The following TMEM108 variants were observed in gnomAD, a reference collection of about 807,000 sequenced individuals.
TMEM108 encodes the protein cancer/testis antigen 124.
Under a neutral mutation model 35.1 loss-of-function variants are expected in TMEM108, and 12 were observed. That is an observed-to-expected ratio of 0.34 (90% CI 0.22 to 0.55). The LOEUF (loss-of-function observed/expected upper bound fraction) is 0.55. TMEM108 is among the 20% of genes least tolerant of loss of function. The pLI is 0.89. For synonymous variants in TMEM108, 287 were observed against 308.6 expected, an observed-to-expected ratio of 0.93 and a Z score of 0.73; for missense variants, 680 against 753.3, an observed-to-expected ratio of 0.90 and a Z score of 1.14.
At chr3:133,122,840 G>T (rs1039917785) in intron 2 of TMEM108, among the ~76,000 whole-genome samples, 2 of 138,514 alleles carry the variant, frequency 1.4e-5, no homozygotes, top group African/African-American at 5.3e-5. Context: ...TCCAGCCTGG[G>T]CAACAGAGCG....
chr3:133,206,927 A>G (rs1576382617), intron 2 of TMEM108, among the ~76,000 whole-genome samples: 1 of 152,200 alleles, frequency 6.6e-6, no homozygotes, highest in East Asian at 1.9e-4. Context: ...CAGGTGCTGT[A>G]TCCCAGGGAG....
intron 2 of TMEM108, among the ~76,000 whole-genome samples, chr3:133,063,513 A>G (rs1943559258): frequency 6.6e-6 from 1 of 152,108 alleles, no homozygotes; most frequent in African/African-American, 2.4e-5. Flanking sequence ...TAATGACTAT[A>G]AGTTCCAGAC....
chr3:133,133,230 CTTTATTG>C (rs1413213098), intron 2 of TMEM108, among the ~76,000 whole-genome samples: 1 of 152,104 alleles, frequency 6.6e-6, no homozygotes, highest in Non-Finnish European at 1.5e-5. Context: ...ATGTGGCAAA[CTTTATTG>C]TTTAAGAAAT....
At chr3:133,092,134 A>G (rs1943954451) in intron 2 of TMEM108, among the ~76,000 whole-genome samples, 1 of 152,334 alleles carries the variant, frequency 6.6e-6, no homozygotes, top group Admixed American at 6.5e-5. Flanking sequence ...TTGAAATGGT[A>G]GAGATGGTAG....
At chr3:133,129,343 C>T (rs1263327059) in intron 2 of TMEM108, among the ~76,000 whole-genome samples, 6 of 114,624 alleles carry the variant, frequency 5.2e-5, no homozygotes, top group South Asian at 2.9e-4. Flanking sequence ...AGACTCCGCA[C>T]CCACACCCCC....
At chr3:133,343,277 A>G (rs1386099668) in intron 3 of TMEM108, among the ~76,000 whole-genome samples, 1 of 151,934 alleles carries the variant, frequency 6.6e-6, no homozygotes, top group Admixed American at 6.6e-5. Flanking sequence ...GGAAGAAATG[A>G]TGATACAATC....
chr3:133,095,274 G>T (rs548298346), intron 2 of TMEM108, among the ~76,000 whole-genome samples: 39 of 152,286 alleles, frequency 2.6e-4, no homozygotes, highest in Admixed American at 9.8e-4. Context: ...TCTACCAAAG[G>T]TGATGGTCTC....
intron 3 of TMEM108, among the ~76,000 whole-genome samples, chr3:133,282,762 G>A (rs1279007747): frequency 6.6e-6 from 1 of 152,140 alleles, no homozygotes; most frequent in African/African-American, 2.4e-5. Context: ...GTACATTGCA[G>A]CATTGTTTGT....
At chr3:133,312,799 A>G (rs2071150527) in intron 3 of TMEM108, among the ~76,000 whole-genome samples, 1 of 152,120 alleles carries the variant, frequency 6.6e-6, no homozygotes, top group African/African-American at 2.4e-5. Flanking sequence ...GAAATCACCC[A>G]TCTTCTGCAT....
chr3:133,210,087 A>G (rs1310612983), intron 2 of TMEM108, among the ~76,000 whole-genome samples: 1 of 152,216 alleles, frequency 6.6e-6, no homozygotes, highest in Non-Finnish European at 1.5e-5. Context: ...TGTTTTGAAT[A>G]TAACTTGCAA....
At chr3:133,105,360 T>C (rs1037991392) in intron 2 of TMEM108, among the ~76,000 whole-genome samples, 4 of 152,142 alleles carry the variant, frequency 2.6e-5, no homozygotes, top group African/African-American at 4.8e-5. Flanking sequence ...GTTGAGTCCT[T>C]CTCATGGTTT....
chr3:133,292,523 A>T lies in TMEM108; in HGVS notation c.40+63172A>T, dbSNP rs377748797. Among the ~76,000 whole-genome samples the T allele has an allele frequency of 1.8e-4, 27 of 152,316 alleles. 1 individual carries two copies. The highest frequency in any genetic ancestry group is 6.0e-4 in the African/African-American group (25 of 41,576). Reference sequence around the variant, plus strand: ...TGTCATCATAAGAGAAATAAACAACATGCGTGGAACTTGGAATTCTGCTGC... The same window carrying T: ...TGTCATCATAAGAGAAATAAACAACTTGCGTGGAACTTGGAATTCTGCTGC... On this transcript the variant is annotated intron_variant, in intron 3 of 5. Transcript: ENST00000321871.
chr3:133,186,648 C>A (rs1945425443), intron 2 of TMEM108, among the ~76,000 whole-genome samples: 1 of 152,040 alleles, frequency 6.6e-6, no homozygotes, highest in Non-Finnish European at 1.5e-5. Context: ...TGTCATTGTC[C>A]CTGGAAAGAA....
intron 2 of TMEM108, among the ~76,000 whole-genome samples, chr3:133,223,357 T>A (rs2107855357): frequency 6.6e-6 from 1 of 152,294 alleles, no homozygotes; most frequent in East Asian, 1.9e-4. Context: ...CAGCAGGTGG[T>A]CAGCCTGGTA....
intron 2 of TMEM108, among the ~76,000 whole-genome samples, chr3:133,170,634 A>G (rs1945116475): frequency 6.6e-6 from 1 of 152,226 alleles, no homozygotes. Context: ...ACATCGTTTT[A>G]CTTCAACAAA....
intron 2 of TMEM108, among the ~76,000 whole-genome samples, chr3:133,140,745 A>G (rs925761240): frequency 6.6e-6 from 1 of 152,206 alleles, no homozygotes; most frequent in African/African-American, 2.4e-5. Flanking sequence ...CATTTGAGTG[A>G]TAGAAACATA....
chr3:133,393,270 C>G (rs1366683074), intron 5 of TMEM108, among the ~76,000 whole-genome samples: 2 of 152,236 alleles, frequency 1.3e-5, no homozygotes, highest in Admixed American at 6.5e-5. Context: ...AATTAAATCT[C>G]CAACCTCATT....
At chr3:133,206,364 TGGA>T (rs1945753902) in intron 2 of TMEM108, among the ~76,000 whole-genome samples, 1 of 152,228 alleles carries the variant, frequency 6.6e-6, no homozygotes, top group Non-Finnish European at 1.5e-5. Flanking sequence ...TGTGATCCTT[TGGA>T]GGAGAAGAGG....
intron 2 of TMEM108, among the ~76,000 whole-genome samples, chr3:133,111,267 A>G (rs902888936): frequency 6.6e-6 from 1 of 152,112 alleles, no homozygotes; most frequent in African/African-American, 2.4e-5. Flanking sequence ...ATTTTTATCT[A>G]TGAGGAATTG....
Sources: allele counts gnomAD v4.1 joint callset (sites outside exome capture counted in the v4.1 genomes callset), GRCh38; gene constraint gnomAD v4.1.1; transcripts MANE v1.5; gene names NCBI Gene and HGNC (gene_info 2026-07-23, HGNC 2026-07-21).